CTTNBP2: variants seen among roughly 807,000 people sequenced by gnomAD.
The protein encoded by CTTNBP2 is cortactin binding protein 2, also known as cortactin-binding protein 2.
A neutral mutation model predicts 156.9 loss-of-function variants in CTTNBP2; 108 were observed. The observed-to-expected ratio is 0.69, with a 90% CI of 0.59 to 0.81. The LOEUF (loss-of-function observed/expected upper bound fraction) is 0.81, where lower values mean the gene tolerates loss of function less well. Ranked by LOEUF, CTTNBP2 falls within the 30% of genes least tolerant of loss-of-function variation. The pLI, the probability that CTTNBP2 is intolerant of heterozygous loss-of-function variation, is 0.00. For missense variants in CTTNBP2, 1,924 were observed against 2,035.4 expected (o/e 0.95, Z 1.05); for synonymous variants, 767 against 751.8 (o/e 1.02, Z -0.33).
chr7:117,865,240 GC>G (rs1563078404), intron 1 of CTTNBP2, among the ~76,000 whole-genome samples: 1 of 149,902 alleles, frequency 6.7e-6, no homozygotes, highest in African/African-American at 2.5e-5. Flanking sequence ...AATCCCCAAC[GC>G]CCCCCAGAAA....
Position 117,725,108 on chromosome 7 carries a change from G to A in CTTNBP2, c.4205C>T (p.Ala1402Val). The A allele has an allele frequency of 1.9e-6, 3 of 1,613,116 alleles. No individual in the cohort carries two copies. The highest frequency in any genetic ancestry group is 2.5e-6 in the Non-Finnish European group (3 of 1,180,030). Residue 1402 changes from alanine (A) to valine (V), a missense_variant, in exon 18 of 23, where the codon GCT becomes GTT. Coordinates refer to ENST00000160373, the MANE Select transcript of CTTNBP2 (RefSeq NM_033427.3). ...AGCTTTATTTAGCAAGATGCTGAGA[G>A]CAGCTTTGACCACAGCCTGCTGTCC... ...SQGQQAVVKA[A>V]LSILLNKAVL...
At chr7:117,796,750 T>A (rs2116891180) in intron 3 of CTTNBP2, among the ~76,000 whole-genome samples, 1 of 152,346 alleles carries the variant, frequency 6.6e-6, no homozygotes, top group Admixed American at 6.5e-5. Context: ...GAAAACACAC[T>A]AGAGGCATAC....
chr7:117,872,541 CA>C (rs1159208279), intron 1 of CTTNBP2, among the ~76,000 whole-genome samples: 1 of 152,162 alleles, frequency 6.6e-6, no homozygotes, highest in Non-Finnish European at 1.5e-5. Context: ...CGAGTCTCTA[CA>C]CCGGAATATT....
At chr7:117,867,288 ACTAT>A (rs1229515980) in intron 1 of CTTNBP2, among the ~76,000 whole-genome samples, 1 of 152,076 alleles carries the variant, frequency 6.6e-6, no homozygotes, top group Non-Finnish European at 1.5e-5. Context: ...TCATCTGGGT[ACTAT>A]CTTTCTTCAG....
intron 2 of CTTNBP2, among the ~76,000 whole-genome samples, chr7:117,845,911 C>T (rs181935593): frequency 2.1e-4 from 32 of 151,796 alleles, no homozygotes; most frequent in Admixed American, 7.2e-4. Context: ...AGTGCAGTGG[C>T]GAGATCTTGG....
chr7:117,844,592 C>A (rs1802472515), intron 2 of CTTNBP2, among the ~76,000 whole-genome samples: 1 of 152,152 alleles, frequency 6.6e-6, no homozygotes, highest in South Asian at 2.1e-4. Context: ...AACTAGCAAG[C>A]AACCATTCTA....
chr7:117,745,428 T>C (rs896147613), intron 14 of CTTNBP2, among the ~76,000 whole-genome samples: 1 of 152,166 alleles, frequency 6.6e-6, no homozygotes, highest in African/African-American at 2.4e-5. Context: ...GATGTATTGG[T>C]TGTAGAGAAT....
rs746196335 is a variant in CTTNBP2, at chr7:117,760,606, G to A, written c.3001C>T (p.Arg1001Cys). ...AAATCATCCCATGATGTCTGTTTGC[G>A]GATATTTAAAGCACATATTGTGTTT... Reference protein sequence around the residue: ...CENTICALNIRKQTSWDDFSK... With the variant: ...CENTICALNICKQTSWDDFSK... Residue 1001 changes from arginine to cysteine, a missense_variant, in exon 10 of 23, where the codon CGC becomes TGC. Arg to Cys is a radical substitution (Grantham distance 180). Coordinates refer to ENST00000160373, the MANE Select transcript of CTTNBP2 (RefSeq NM_033427.3). The A allele has an allele frequency of 4.8e-5, 77 of 1,613,928 alleles. No homozygotes were observed. The highest frequency in any genetic ancestry group is 2.0e-4 in the South Asian group (18 of 91,070).
chr7:117,735,077 A>G lies in CTTNBP2; in HGVS notation c.3712T>C (p.Tyr1238His), dbSNP rs199634048. 4.3e-5 allele frequency: 69 copies of G among 1,613,812 alleles called. 1 individual carries two copies. Among genetic ancestry groups the G allele is most frequent in the Non-Finnish European group, 1.2e-5 (14 of 1,179,870 alleles). Residue 1238 changes from tyrosine to histidine, a missense_variant, in exon 16 of 23, where the codon TAC becomes CAC. By Grantham distance (83) the Tyr-to-His change is moderately conservative. Transcript: ENST00000160373. ...QKGNGLSECY[Y>H]FHENCFLMGT... is the part of the protein sequence containing the mutation. ...ATCAGAAAGCAGTTCTCATGAAAGT[A>G]ATAACATTCGGACAGTCCATTTCCT...
At chr7:117,787,742 A>G (rs1798779676) in intron 4 of CTTNBP2, among the ~76,000 whole-genome samples, 1 of 152,158 alleles carries the variant, frequency 6.6e-6, no homozygotes, top group Non-Finnish European at 1.5e-5. Context: ...AAGGTTGCCA[A>G]ATAGAGTTTG....
chr7:117,731,893 C>T (rs555488207), intron 16 of CTTNBP2, among the ~76,000 whole-genome samples: 1 of 152,246 alleles, frequency 6.6e-6, no homozygotes, highest in African/African-American at 2.4e-5. Flanking sequence ...AAGGAGAAAG[C>T]TGGATCAATT....
chr7:117,864,679 T>TAGATGTATGA (rs1491134449), intron 1 of CTTNBP2, among the ~76,000 whole-genome samples: 29 of 145,764 alleles, frequency 2.0e-4, no homozygotes, highest in Admixed American at 3.5e-4. Context: ...TTCATATATT[T>TAGATGTATGA]ATATATATTC....
At chr7:117,795,371 CA>C (rs998420825) in intron 3 of CTTNBP2, among the ~76,000 whole-genome samples, 18 of 151,172 alleles carry the variant, frequency 1.2e-4, no homozygotes, top group Admixed American at 5.3e-4. Context: ...CTAACCCCAA[CA>C]AAAAAAAATT....
At chr7:117,771,845 G>A (rs1246429071) in intron 8 of CTTNBP2, among the ~76,000 whole-genome samples, 2 of 152,098 alleles carry the variant, frequency 1.3e-5, no homozygotes, top group South Asian at 4.2e-4. Context: ...AGGTATCCTG[G>A]GAACACCTAA....
At chr7:117,830,943 GATA>G (rs1801565862) in intron 2 of CTTNBP2, among the ~76,000 whole-genome samples, 1 of 152,050 alleles carries the variant, frequency 6.6e-6, no homozygotes, top group Non-Finnish European at 1.5e-5. Flanking sequence ...CTAGAAAAAA[GATA>G]ATGTTTTCAC....
intron 19 of CTTNBP2, among the ~76,000 whole-genome samples, chr7:117,722,316 G>A (rs1228310358): frequency 6.7e-6 from 1 of 148,688 alleles, no homozygotes; most frequent in East Asian, 2.0e-4. Context: ...TATATACAGT[G>A]TAATTATTGG....
chr7:117,741,112 G>T (rs921834850), intron 14 of CTTNBP2, among the ~76,000 whole-genome samples: 1 of 152,206 alleles, frequency 6.6e-6, no homozygotes. Flanking sequence ...CAGATGCCTT[G>T]TGGAGGGCCC....
intron 8 of CTTNBP2, among the ~76,000 whole-genome samples, chr7:117,775,861 AT>A (rs535869897): frequency 6.6e-6 from 1 of 152,160 alleles, no homozygotes; most frequent in Non-Finnish European, 1.5e-5. Flanking sequence ...AGTTCCCAGA[AT>A]TTTTTTATCT....
chr7:117,843,784 T>A (rs1377311399), intron 2 of CTTNBP2, among the ~76,000 whole-genome samples: 1 of 152,020 alleles, frequency 6.6e-6, no homozygotes, highest in Non-Finnish European at 1.5e-5. Flanking sequence ...GGAGGACCAG[T>A]TAGGAAGGTA....
Sources: gnomAD v4.1 joint callset for allele counts (sites outside exome capture counted in the v4.1 genomes callset) on GRCh38, gnomAD v4.1.1 for gene constraint, MANE v1.5 for transcripts, NCBI Gene and HGNC (gene_info 2026-07-23, HGNC 2026-07-21) for gene names.